KNDC1: variants seen among roughly 807,000 people sequenced by gnomAD.
The protein encoded by KNDC1 is kinase non-catalytic C-lobe domain containing 1, also known as kinase non-catalytic C-lobe domain-containing protein 1.
In KNDC1, 106 loss-of-function variants were observed where a neutral mutation model predicts 172.8. That is an observed-to-expected ratio of 0.61 (90% CI 0.52 to 0.72). KNDC1 has a LOEUF of 0.72. Ranked by LOEUF, KNDC1 falls within the 30% of genes least tolerant of loss-of-function variation. The probability of loss-of-function intolerance (pLI) is 0.00; values close to 1 mark genes in which losing one functional copy is unlikely to be tolerated. For missense variants in KNDC1, 2,325 were observed against 2,394.5 expected (o/e 0.97, Z 0.61); for synonymous variants, 1,083 against 1,062.2 (o/e 1.02, Z -0.38).
intron 3 of KNDC1, chr10:133,173,893 T>G (rs1853449092): frequency 6.6e-6 from 1 of 152,202 alleles, no homozygotes; most frequent in Non-Finnish European, 1.5e-5. Context: ...CACTAGGGCT[T>G]TTATGTGTCA....
At chr10:133,193,120 A>G (rs1854104922) in intron 9 of KNDC1, among the ~76,000 whole-genome samples, 1 of 152,254 alleles carries the variant, frequency 6.6e-6, no homozygotes, top group South Asian at 2.1e-4. Flanking sequence ...AAAACAGTTC[A>G]GATGATCAGA....
intron 3 of KNDC1, among the ~76,000 whole-genome samples, chr10:133,174,801 G>A (rs947646203): frequency 2.6e-5 from 4 of 151,640 alleles, no homozygotes; most frequent in Admixed American, 1.3e-4. Context: ...ACGAATGGGC[G>A]GATGGGTGGA....
intron 17 of KNDC1, chr10:133,202,583 C>G: frequency 6.6e-6 from 3 of 456,386 alleles, no homozygotes; most frequent in Non-Finnish European, 8.8e-6. Flanking sequence ...GGGAACCTCT[C>G]CTACCACCGT....
rs1178362718 is a variant in KNDC1 at position 133,210,337 on chromosome 10, G to A, written c.3795-274G>A. On this transcript the variant is annotated intron_variant, in intron 20 of 29. Coordinates refer to ENST00000304613, the MANE Select transcript of KNDC1 (RefSeq NM_152643.8). ...GCGGAGATCACACCATTGCACTCCAGCCTGGGCGACAAGAGCGAAACTCTG... is the reference window on the plus strand; with the variant it reads ...GCGGAGATCACACCATTGCACTCCAACCTGGGCGACAAGAGCGAAACTCTG... 2.5e-5 allele frequency among the ~76,000 whole-genome samples: 3 copies of A among 121,402 alleles called. No individual in the cohort carries two copies. The Admixed American group carries it at 3.4e-4, about 14-fold the overall frequency. The allele number at this position is 121,402 out of a possible 152,430, so 79.6% of individuals were successfully genotyped here.
At chr10:133,200,347 G>A in intron 15 of KNDC1, 28 bp from the exon 16 acceptor site, 1 of 1,544,668 alleles carries the variant, frequency 6.5e-7, no homozygotes, top group Non-Finnish European at 8.7e-7. Context: ...GGGCGGAGGT[G>A]GGGACTGACC....
At chr10:133,215,897 C>G (rs1845460545) in intron 26 of KNDC1, among the ~76,000 whole-genome samples, 1 of 152,250 alleles carries the variant, frequency 6.6e-6, no homozygotes, top group African/African-American at 2.4e-5. Context: ...CTGCCACATC[C>G]CCGTTAGCAA....
intron 1 of KNDC1, among the ~76,000 whole-genome samples, chr10:133,161,063 C>G (rs1283705939): frequency 2.0e-5 from 3 of 152,066 alleles, no homozygotes; most frequent in African/African-American, 7.2e-5. Context: ...GGCCTTCACC[C>G]AAGACCCCCC....
chr10:133,207,328 G>C lies in KNDC1; in HGVS notation c.3771G>C (p.Gly1257=). 1 of 1,612,724 alleles carries C rather than the reference G, an allele frequency of 6.2e-7. No homozygotes were observed. Among genetic ancestry groups the C allele is most frequent in the Non-Finnish European group, 8.5e-7 (1 of 1,179,866 alleles). The change falls in exon 20 of 30, where the codon GGG becomes GGC. Residue 1257 remains glycine (G), a synonymous_variant. Transcript: ENST00000304613. ...ARILQAGTPL[G]LMAYLYSSDA... is the part of the protein sequence containing the mutation. ...TCCTGCAGGCCGGCACGCCGCTGGG[G>C]CTCATGGCCTACCTGTACTCCAGGT...
At chr10:133,193,568 G>A (rs765931837) in intron 9 of KNDC1, among the ~76,000 whole-genome samples, 4 of 151,968 alleles carry the variant, frequency 2.6e-5, no homozygotes, top group African/African-American at 7.2e-5. Flanking sequence ...AAGGAAGGAA[G>A]AAGAACAAGA....
intron 1 of KNDC1, among the ~76,000 whole-genome samples, chr10:133,166,810 GGAGCCCACTCGGATTTGGAGGT>G (rs1415300258): frequency 6.6e-6 from 1 of 152,098 alleles, no homozygotes; most frequent in Non-Finnish European, 1.5e-5. Context: ...GCGGAGTCCA[GGAGCCCACTCGGATTTGGAGGT>G]GAGCCCACAT....
chr10:133,166,744 T>C (rs1853170881), intron 1 of KNDC1, among the ~76,000 whole-genome samples: 1 of 139,720 alleles, frequency 7.2e-6, no homozygotes, highest in Non-Finnish European at 1.6e-5. Flanking sequence ...TTTGTGCATG[T>C]GCATGGGGGG....
At chr10:133,199,724 C>T (rs1299435422) in intron 15 of KNDC1, 122 bp downstream of exon 15, 7 of 1,149,596 alleles carry the variant, frequency 6.1e-6, no homozygotes, top group Admixed American at 4.5e-5. Context: ...TCGCTGCTGT[C>T]TCCAGAGGGG....
intron 15 of KNDC1, 108 bp from the exon 16 acceptor site, chr10:133,200,267 C>A: frequency 1.3e-6 from 1 of 778,832 alleles, no homozygotes; most frequent in Non-Finnish European, 1.9e-6. Flanking sequence ...CTGCCGCCTC[C>A]AGCGAGAGCT....
intron 3 of KNDC1, among the ~76,000 whole-genome samples, chr10:133,180,582 G>C (rs113637953): frequency 0.016 from 2,397 of 152,328 alleles, 67 homozygotes; most frequent in African/African-American, 0.055. Context: ...CTGTAGCCTC[G>C]GGGTGGAGAA....
chr10:133,216,313 G>A (rs973490643), intron 26 of KNDC1, among the ~76,000 whole-genome samples: 2 of 151,170 alleles, frequency 1.3e-5, no homozygotes, highest in Admixed American at 6.6e-5. Flanking sequence ...TGGTGGCACC[G>A]TTTAGACGAC....
At chr10:133,175,704 G>A (rs975387165) in intron 3 of KNDC1, among the ~76,000 whole-genome samples, 16 of 150,996 alleles carry the variant, frequency 1.1e-4, no homozygotes, top group South Asian at 2.1e-4. Context: ...ATGAACAGTC[G>A]GATAGGGATG....
At position 133,213,983 on chromosome 10, in the gene KNDC1, C is replaced by T. The variant is rs1845426267; in HGVS notation, c.4538C>T (p.Ser1513Phe). 6.8e-6 allele frequency: 11 copies of T among 1,614,186 alleles called. No individual in the cohort carries two copies. The highest frequency in any genetic ancestry group is 9.3e-6 in the Non-Finnish European group (11 of 1,179,996). ...KSTAIPKASS[S>F]ESLSAKTCSL... Reference sequence around the variant, plus strand: ...TATTTCTCTTCCAGAGCCAGCTCTTCTGAGTCTCTTTCGGCCAAAACCTGC... The same window carrying T: ...TATTTCTCTTCCAGAGCCAGCTCTTTTGAGTCTCTTTCGGCCAAAACCTGC... The change falls in exon 26 of 30, where the codon TCT becomes TTT. Residue 1513 changes from serine to phenylalanine, a missense_variant. Transcript: ENST00000304613.
chr10:133,202,809 G>C, intron 17 of KNDC1: 1 of 381,852 alleles, frequency 2.6e-6, no homozygotes, highest in Non-Finnish European at 5.3e-6. Flanking sequence ...CCACGTGAAA[G>C]ACCCGCATGG....
intron 5 of KNDC1, among the ~76,000 whole-genome samples, chr10:133,185,760 T>A (rs1055763828): frequency 5.9e-5 from 8 of 136,630 alleles, no homozygotes; most frequent in Non-Finnish European, 3.2e-5. Context: ...GATGACCTGA[T>A]GAGTGGGGCA....
Sources: allele counts gnomAD v4.1 joint callset (sites outside exome capture counted in the v4.1 genomes callset), GRCh38; gene constraint gnomAD v4.1.1; transcripts MANE v1.5; gene names NCBI Gene and HGNC (gene_info 2026-07-23, HGNC 2026-07-21).